The following STX3 variants were observed in gnomAD, a reference collection of about 807,000 sequenced individuals.
The protein encoded by STX3 is syntaxin 3.
Under a neutral mutation model 40.2 loss-of-function variants are expected in STX3, and 19 were observed. The ratio of observed to expected loss-of-function variants is 0.47; its 90% confidence interval spans 0.33 to 0.69. STX3 has a LOEUF of 0.69. STX3 is among the 30% of genes least tolerant of loss of function. STX3 has a pLI of 0.02. For synonymous variants in STX3, 122 were observed against 132.2 expected (o/e 0.92, Z 0.53); for missense variants, 364 against 366.7 (o/e 0.99, Z 0.06).
intron 5 of STX3, among the ~76,000 whole-genome samples, chr11:59,790,866 A>G (rs960283477): frequency 6.6e-6 from 1 of 152,052 alleles, no homozygotes; most frequent in Non-Finnish European, 1.5e-5. Flanking sequence ...TTTACAGGAG[A>G]GGAAATTAAT....
rs373530107 is a variant in STX3 at position 59,781,208 on chromosome 11, C to CATATGAA, written c.115-5828_115-5827insTATGAAA. ...AATGTTTATGATAAAGATAATTGAA[C>CATATGAA]ACAGTAATGAAAAAAAAAAGAAAGA... On this transcript the variant is annotated intron_variant, in intron 2 of 10. Coordinates refer to ENST00000337979, the MANE Select transcript of STX3 (RefSeq NM_004177.5). The CATATGAA allele has an allele frequency of 6.7e-3, 4,884 of 728,396 alleles. 196 individuals carry two copies. The African/African-American group carries it at 0.081, about 12-fold the overall frequency. 45.1% of individuals were successfully genotyped at this position (728,396 alleles called of 1,614,324 possible).
At chr11:59,774,505 A>AT (rs1863845298) in intron 2 of STX3, among the ~76,000 whole-genome samples, 1 of 152,162 alleles carries the variant, frequency 6.6e-6, no homozygotes, top group Non-Finnish European at 1.5e-5. Context: ...AAAAAACAAT[A>AT]AACAACAAAA....
chr11:59,792,236 G>A (rs188238747), intron 6 of STX3, 21 bp downstream of exon 6: 39 of 1,603,976 alleles, frequency 2.4e-5, no homozygotes, highest in African/African-American at 2.3e-4. Flanking sequence ...GAGGTTTGGC[G>A]TGTGCCCTCC....
At chr11:59,764,719 T>A (rs1031050386) in intron 1 of STX3, among the ~76,000 whole-genome samples, 1 of 152,168 alleles carries the variant, frequency 6.6e-6, no homozygotes, top group African/African-American at 2.4e-5. Context: ...CTGTGAGTCC[T>A]AATGAGGTCG....
At chr11:59,782,653 A>C (rs1399220096) in intron 2 of STX3, among the ~76,000 whole-genome samples, 1 of 152,088 alleles carries the variant, frequency 6.6e-6, no homozygotes, top group African/African-American at 2.4e-5. Context: ...TTAATTCCTT[A>C]AATCCTATAT....
chr11:59,775,670 C>G (rs1424718447), intron 2 of STX3, among the ~76,000 whole-genome samples: 1 of 152,158 alleles, frequency 6.6e-6, no homozygotes, highest in East Asian at 1.9e-4. Context: ...TTAGTACTTA[C>G]CTTTCAAGGA....
chr11:59,773,381 G>A, intron 2 of STX3, 87 bp downstream of exon 2: 9 of 1,398,142 alleles, frequency 6.4e-6, no homozygotes, highest in Middle Eastern at 1.8e-4. Context: ...GATTTTTCAG[G>A]GTAGCAGAGG....
rs200333761 is a variant in STX3 at position 59,755,574 on chromosome 11, C to T, written c.-32C>T. ...ACCTGGGACGCGCTCACCTGGGACGCGCTACCTGCCTCCGGGCGCCTGGGC... is the reference window on the plus strand; with the variant it reads ...ACCTGGGACGCGCTCACCTGGGACGTGCTACCTGCCTCCGGGCGCCTGGGC... On this transcript the variant is annotated 5_prime_UTR_variant, in exon 1 of 11. Transcript: ENST00000337979. 3.5e-3 allele frequency: 5,529 copies of T among 1,592,442 alleles called. 228 individuals carry two copies. In the South Asian group the frequency reaches 0.058, roughly 17 times the overall value.
intron 1 of STX3, 148 bp downstream of exon 1, chr11:59,755,783 ACCCTC>A (rs1304363746): frequency 2.6e-5 from 28 of 1,086,228 alleles, no homozygotes; most frequent in Non-Finnish European, 2.3e-5. Flanking sequence ...CCGGTTCCGC[ACCCTC>A]CCCTCCCCTC....
chr11:59,787,112 C>T lies in STX3; in HGVS notation c.190C>T (p.Leu64Phe), dbSNP rs981358270. 6.2e-7 allele frequency: 1 copy of T among 1,614,062 alleles called. No individual in the cohort carries two copies. The highest frequency in any genetic ancestry group is 1.3e-5 in the African/African-American group (1 of 74,940). Residue 64 changes from leucine (L) to phenylalanine (F), a missense_variant, in exon 3 of 11, where the codon CTC becomes TTC. By Grantham distance (22) the Leu-to-Phe change is conservative. Transcript: ENST00000337979. ...EEAKKLYSII[L>F]SAPIPEPKTK... ...GGCTAAGAAACTCTACAGTATCATT[C>T]TCTCTGCACCGATTCCAGAGCCAAG...
At chr11:59,780,115 TCCCAGCTTC>T (rs2134962316) in intron 2 of STX3, among the ~76,000 whole-genome samples, 1 of 152,256 alleles carries the variant, frequency 6.6e-6, no homozygotes, top group East Asian at 1.9e-4. Flanking sequence ...GAACTACATT[TCCCAGCTTC>T]CCCTGCCAAT....
In STX3 at chr11:59,802,020, G is replaced by C. The variant is rs1445658480; in HGVS notation, c.*1196G>C. On this transcript the variant is annotated 3_prime_UTR_variant, in exon 11 of 11. Coordinates refer to ENST00000337979, the MANE Select transcript of STX3 (RefSeq NM_004177.5). ...ATTAAGTTTTTCTGCTTAGCAGACA[G>C]AAGGTATAATTTTTTGACACCCTTT... The C allele has an allele frequency of 2.0e-6, 2 of 985,378 alleles. No homozygotes were observed. The highest frequency in any genetic ancestry group is 2.4e-6 in the Non-Finnish European group (2 of 829,948). The allele number at this position is 985,378 out of a possible 1,614,324, so 61.0% of individuals were successfully genotyped here. A position where few individuals can be genotyped will look rare whatever the true frequency, so the allele number is the denominator to read the frequency against.
chr11:59,776,365 A>G (rs1487583721), intron 2 of STX3, among the ~76,000 whole-genome samples: 1 of 152,240 alleles, frequency 6.6e-6, no homozygotes, highest in Non-Finnish European at 1.5e-5. Context: ...CCTGACATCT[A>G]GTACATATGT....
At chr11:59,794,679 T>A (rs1255267072) in intron 8 of STX3, among the ~76,000 whole-genome samples, 1 of 152,176 alleles carries the variant, frequency 6.6e-6, no homozygotes, top group African/African-American at 2.4e-5. Flanking sequence ...TTGAGGAGAA[T>A]TCCTAAAATG....
chr11:59,755,556 A>G lies in STX3; in HGVS notation c.-50A>G. On this transcript the variant is annotated 5_prime_UTR_variant, in exon 1 of 11. Coordinates refer to ENST00000337979, the MANE Select transcript of STX3 (RefSeq NM_004177.5). ...CTCACCTGGGAAGCGCTCACCTGGG[A>G]CGCGCTCACCTGGGACGCGCTACCT... The G allele has an allele frequency of 6.3e-7, 1 of 1,579,574 alleles. No homozygotes were observed. The highest frequency in any genetic ancestry group is 1.1e-5 in the South Asian group (1 of 90,238).
chr11:59,800,968 C>G lies in STX3; in HGVS notation c.*144C>G, dbSNP rs1865860462. 6.5e-7 allele frequency: 1 copy of G among 1,534,914 alleles called. No individual in the cohort carries two copies. Among genetic ancestry groups the G allele is most frequent in the Middle Eastern group, 1.7e-4 (1 of 5,938 alleles). ...CGTTCCTTTGTTTCCTTGCAACCAC[C>G]CTTGGACCTGACTCAGCTAACAATC... is the stretch of plus-strand genomic sequence containing the variant. On this transcript the variant is annotated 3_prime_UTR_variant, in exon 11 of 11. Coordinates refer to ENST00000337979, the MANE Select transcript of STX3 (RefSeq NM_004177.5).
rs746245589 is a variant in STX3, at chr11:59,805,245, GGTTCA to G, written c.*4425_*4429del. 3.3e-5 allele frequency: 5 copies of G among 150,218 alleles called. No individual in the cohort carries two copies. Among genetic ancestry groups the G allele is most frequent in the East Asian group, 2.0e-4 (1 of 5,118 alleles). The allele number at this position is 150,218 out of a possible 1,614,324, so 9.3% of individuals were successfully genotyped here. Reference sequence around the variant, plus strand: ...TAATACTGTCCCCAATTCCATTCAAGGTTCAGTTGTGTTCAGCTTTAAAACCAGCT... The same window carrying G: ...TAATACTGTCCCCAATTCCATTCAAGGTTGTGTTCAGCTTTAAAACCAGCT... On this transcript the variant is annotated 3_prime_UTR_variant, in exon 11 of 11. Coordinates refer to ENST00000337979, the MANE Select transcript of STX3 (RefSeq NM_004177.5).
Position 59,801,166 on chromosome 11 carries a change from A to T in STX3, c.*342A>T, listed in dbSNP as rs1865871038. The T allele has an allele frequency of 3.2e-6, 4 of 1,263,924 alleles. No individual in the cohort carries two copies. The East Asian group carries it at 1.3e-4, about 41-fold the overall frequency. 78.3% of individuals were successfully genotyped at this position (1,263,924 alleles called of 1,614,324 possible). ...TTGCACTTGGGAAAGCTCTTGTGAGACTCTCCCAAGGTGCTGTATTTTTCT... is the reference window on the plus strand; with the variant it reads ...TTGCACTTGGGAAAGCTCTTGTGAGTCTCTCCCAAGGTGCTGTATTTTTCT... On this transcript the variant is annotated 3_prime_UTR_variant, in exon 11 of 11. Coordinates refer to ENST00000337979, the MANE Select transcript of STX3 (RefSeq NM_004177.5).
intron 4 of STX3, among the ~76,000 whole-genome samples, chr11:59,790,100 C>T (rs1865029011): frequency 6.6e-6 from 1 of 152,204 alleles, no homozygotes; most frequent in African/African-American, 2.4e-5. Flanking sequence ...CCAGTAATAA[C>T]AGTGATAGTG....
Sources: gnomAD v4.1 joint callset for allele counts (sites outside exome capture counted in the v4.1 genomes callset) on GRCh38, gnomAD v4.1.1 for gene constraint, MANE v1.5 for transcripts, NCBI Gene and HGNC (gene_info 2026-07-23, HGNC 2026-07-21) for gene names.